RBM24: variants seen among roughly 807,000 people sequenced by gnomAD.
RBM24 encodes the protein RNA-binding protein 24.
RBM24 carries 5 observed loss-of-function variants against 23.6 expected under a neutral mutation model. That is an observed-to-expected ratio of 0.21 (90% CI 0.11 to 0.45). The LOEUF (loss-of-function observed/expected upper bound fraction) is 0.45. Ranked by LOEUF, RBM24 falls within the 20% of genes least tolerant of loss-of-function variation. The pLI, the probability that RBM24 is intolerant of heterozygous loss-of-function variation, is 0.99. For synonymous variants in RBM24, 151 were observed against 129.5 expected (o/e 1.17, Z -1.13); for missense variants, 252 against 314.6 (o/e 0.80, Z 1.51).
chr6:17,284,804 C>A, intron 3 of RBM24, 93 bp downstream of exon 3: 2 of 848,270 alleles, frequency 2.4e-6, no homozygotes, highest in Non-Finnish European at 3.7e-6. Flanking sequence ...CATGATGTCA[C>A]AGAATGGTCC....
At chr6:17,285,590 G>A (rs1760171360) in intron 3 of RBM24, among the ~76,000 whole-genome samples, 1 of 152,112 alleles carries the variant, frequency 6.6e-6, no homozygotes, top group South Asian at 2.1e-4. Flanking sequence ...TCTTTCTTTT[G>A]CAATGTGTAT....
chr6:17,283,655 G>C (rs1760104127), intron 2 of RBM24, among the ~76,000 whole-genome samples: 1 of 152,170 alleles, frequency 6.6e-6, no homozygotes, highest in South Asian at 2.1e-4. Flanking sequence ...GACCTCAGGT[G>C]ATCCACCCGC....
intron 1 of RBM24, chr6:17,282,097 A>C: frequency 8.2e-7 from 1 of 1,224,022 alleles, no homozygotes; most frequent in Non-Finnish European, 1.0e-6. Flanking sequence ...GCCGGTTGTT[A>C]AGCGCGCTGT....
Position 17,281,663 on chromosome 6 carries a change from C to T in RBM24, c.82C>T (p.Arg28Cys). The change falls in exon 1 of 4, where the codon CGC (arginine) becomes TGC (cysteine). Residue 28 changes from arginine (R) to cysteine (C), a missense_variant. Physicochemically the swap from Arg to Cys is radical, Grantham distance 180. Coordinates refer to ENST00000379052, the MANE Select transcript of RBM24 (RefSeq NM_001143942.2). The surrounding 1 kb of genome is among the most constrained non-coding windows in gnomAD (Gnocchi z 7.1). ...CTACCACACCACCGACGCCAGCCTG[C>T]GCAAGTACTTCGAGGTCTTCGGCGA... is the stretch of plus-strand genomic sequence containing the variant. ...LPYHTTDASL[R>C]KYFEVFGEIE... 6.4e-7 allele frequency: 1 copy of T among 1,550,876 alleles called. No individual in the cohort carries two copies. The highest frequency in any genetic ancestry group is 8.7e-7 in the Non-Finnish European group (1 of 1,146,812).
At chr6:17,287,676 G>C (rs1057389070) in intron 3 of RBM24, among the ~76,000 whole-genome samples, 1 of 152,138 alleles carries the variant, frequency 6.6e-6, no homozygotes, top group Non-Finnish European at 1.5e-5. Context: ...TGGGCGTGGT[G>C]GTGGGCGCCT....
At chr6:17,283,268 G>T (rs1168651017) in intron 2 of RBM24, among the ~76,000 whole-genome samples, 1 of 152,074 alleles carries the variant, frequency 6.6e-6, no homozygotes, top group Non-Finnish European at 1.5e-5. Flanking sequence ...GATTATATAG[G>T]CCAAATTTGT....
intron 2 of RBM24, among the ~76,000 whole-genome samples, chr6:17,283,968 A>G (rs1244392098): frequency 1.3e-5 from 2 of 152,184 alleles, no homozygotes; most frequent in African/African-American, 4.8e-5. Flanking sequence ...TTGATTTTTA[A>G]GCAAATATAA....
Position 17,289,245 on chromosome 6 carries a change from C to T in RBM24, c.348-2511C>T, listed in dbSNP as rs116782610. ...AGAACTCCTAATTCAGGATTTCATTCCAAAGTGCCACTTGAACCTTCAGTC... is the reference window on the plus strand; with the variant it reads ...AGAACTCCTAATTCAGGATTTCATTTCAAAGTGCCACTTGAACCTTCAGTC... On this transcript the variant is annotated intron_variant, in intron 3 of 3. Coordinates refer to ENST00000379052, the MANE Select transcript of RBM24 (RefSeq NM_001143942.2). The T allele has an allele frequency of 2.1e-3, 2,117 of 985,388 alleles. 41 individuals are homozygous for T. The African/African-American group carries it at 0.035, about 16-fold the overall frequency. 61.0% of individuals were successfully genotyped at this position (985,388 alleles called of 1,614,324 possible). A position where few individuals can be genotyped will look rare whatever the true frequency, so the allele number is the denominator to read the frequency against.
At chr6:17,288,475 A>C (rs911866416) in intron 3 of RBM24, 3 of 984,372 alleles carry the variant, frequency 3.0e-6, no homozygotes, top group African/African-American at 3.5e-5. Flanking sequence ...TTTAATGCAC[A>C]GCAATCCAGG....
chr6:17,281,863 G>C lies in RBM24; in HGVS notation c.168+114G>C. 1.4e-6 allele frequency: 2 copies of C among 1,412,152 alleles called. No individual in the cohort carries two copies. Among genetic ancestry groups the C allele is most frequent in the Non-Finnish European group, 1.9e-6 (2 of 1,036,416 alleles). 87.5% of individuals were successfully genotyped at this position (1,412,152 alleles called of 1,614,324 possible). ...ACCCGTGAGGAGCCCCGCGGGTAGAGCGGCGCTGCCCCTTCGCTCCGGGGT... is the reference window on the plus strand; with the variant it reads ...ACCCGTGAGGAGCCCCGCGGGTAGACCGGCGCTGCCCCTTCGCTCCGGGGT... On this transcript the variant is annotated intron_variant, in intron 1 of 3. Transcript: ENST00000379052. This position sits in a 1 kb window ranked among gnomAD's most constrained non-coding sequence, Gnocchi z 7.1.
In RBM24 at chr6:17,288,539, A is replaced by G. The variant is rs959675851; in HGVS notation, c.348-3217A>G. On this transcript the variant is annotated intron_variant, in intron 3 of 3. Coordinates refer to ENST00000379052, the MANE Select transcript of RBM24 (RefSeq NM_001143942.2). ...ATGCAAAATAGGAGGCTATGTTAAG[A>G]CAACAAAGCATAAAAAAAGAAACAT... 7.1e-6 allele frequency: 7 copies of G among 985,330 alleles called. No individual in the cohort carries two copies. In the African/African-American group the frequency reaches 1.0e-4, roughly 15 times the overall value. The allele number at this position is 985,330 out of a possible 1,614,324, so 61.0% of individuals were successfully genotyped here.
Position 17,292,029 on chromosome 6 carries a change from G to T in RBM24, c.621G>T (p.Gly207=). ...AGCCAATCACCGCAGCGGCACCTGG[G>T]ACAGCTGCCGCCGCCGCTGCAGCAG... is the stretch of plus-strand genomic sequence containing the variant. ...VQQPITAAAP[G]TAAAAAAAAA... is the part of the protein sequence containing the mutation. The change falls in exon 4 of 4, where the codon GGG becomes GGT. Residue 207 remains glycine (G), a synonymous_variant. Transcript: ENST00000379052. 6.3e-7 allele frequency: 1 copy of T among 1,599,596 alleles called. No homozygotes were observed. Among genetic ancestry groups the T allele is most frequent in the South Asian group, 1.1e-5 (1 of 90,824 alleles).
chr6:17,291,461 A>C (rs1235170107), intron 3 of RBM24, among the ~76,000 whole-genome samples: 2 of 152,166 alleles, frequency 1.3e-5, no homozygotes, highest in African/African-American at 4.8e-5. Context: ...TGTAGCCCTC[A>C]TGAATCTTGA....
chr6:17,291,647 C>T, intron 3 of RBM24, 109 bp from the exon 4 acceptor site: 1 of 1,207,248 alleles, frequency 8.3e-7, no homozygotes, highest in Non-Finnish European at 1.2e-6. Context: ...GATATTGTGG[C>T]AACCCTATGC....
intron 3 of RBM24, among the ~76,000 whole-genome samples, chr6:17,286,051 C>T (rs1054979878): frequency 1.2e-4 from 19 of 152,128 alleles, no homozygotes; most frequent in Admixed American, 1.2e-3. Context: ...AGATGTCTAC[C>T]ATATGTGTCT....
chr6:17,282,696 A>G, intron 1 of RBM24, 109 bp from the exon 2 acceptor site: 1 of 1,423,640 alleles, frequency 7.0e-7, no homozygotes, highest in Non-Finnish European at 9.4e-7. Flanking sequence ...ATAGAAAAAA[A>G]GTTTGATCTC....
chr6:17,289,670 G>T (rs1760296014), intron 3 of RBM24: 1 of 985,260 alleles, frequency 1.0e-6, no homozygotes, highest in Non-Finnish European at 1.2e-6. Context: ...TAAGGTTTCG[G>T]TGTCAGTGAG....
chr6:17,281,508 G>T lies in RBM24; in HGVS notation c.-74G>T. On this transcript the variant is annotated 5_prime_UTR_variant, in exon 1 of 4. Coordinates refer to ENST00000379052, the MANE Select transcript of RBM24 (RefSeq NM_001143942.2). This position sits in a 1 kb window ranked among gnomAD's most constrained non-coding sequence, Gnocchi z 7.1. ...CGCGAAAGGGTGCGGGAGACGCGGA[G>T]CCGGAGGAGGAGGCGCAGCCGCTGC... 7.3e-7 allele frequency: 1 copy of T among 1,363,892 alleles called. No individual in the cohort carries two copies. Among genetic ancestry groups the T allele is most frequent in the Non-Finnish European group, 9.5e-7 (1 of 1,050,010 alleles). The allele number at this position is 1,363,892 out of a possible 1,614,324, so 84.5% of individuals were successfully genotyped here. A position where few individuals can be genotyped will look rare whatever the true frequency, so the allele number is the denominator to read the frequency against.
chr6:17,281,867 C>T lies in RBM24; in HGVS notation c.168+118C>T. On this transcript the variant is annotated intron_variant, in intron 1 of 3. Coordinates refer to ENST00000379052, the MANE Select transcript of RBM24 (RefSeq NM_001143942.2). The surrounding 1 kb of genome is among the most constrained non-coding windows in gnomAD (Gnocchi z 7.1). ...GTGAGGAGCCCCGCGGGTAGAGCGG[C>T]GCTGCCCCTTCGCTCCGGGGTGAAC... is the stretch of plus-strand genomic sequence containing the variant. 7.2e-7 allele frequency: 1 copy of T among 1,386,434 alleles called. No individual in the cohort carries two copies. The highest frequency in any genetic ancestry group is 9.8e-7 in the Non-Finnish European group (1 of 1,017,974). 85.9% of individuals were successfully genotyped at this position (1,386,434 alleles called of 1,614,324 possible).
Sources: gnomAD v4.1 joint callset for allele counts (sites outside exome capture counted in the v4.1 genomes callset) on GRCh38, gnomAD v4.1.1 for gene constraint, Gnocchi (gnomAD v3.1) non-coding constraint, MANE v1.5 for transcripts, NCBI Gene and HGNC (gene_info 2026-07-23, HGNC 2026-07-21) for gene names.